The following CSGALNACT1 variants were observed in gnomAD, a reference collection of about 807,000 sequenced individuals.
CSGALNACT1 encodes the protein chondroitin sulfate N-acetylgalactosaminyltransferase 1.
A neutral mutation model predicts 51.0 loss-of-function variants in CSGALNACT1; 52 were observed. The observed-to-expected ratio is 1.02, with a 90% CI of 0.82 to 1.29. The LOEUF is 1.29. Among genes scored for constraint, CSGALNACT1 ranks in the 50% most tolerant of loss-of-function variants. CSGALNACT1 has a pLI of 0.00. For missense variants in CSGALNACT1, 935 were observed against 679.2 expected (o/e 1.38, Z -4.19); for synonymous variants, 341 against 254.4 (o/e 1.34, Z -3.24).
At chr8:19,716,524 T>C (rs2062815699) in intron 1 of CSGALNACT1, among the ~76,000 whole-genome samples, 1 of 139,738 alleles carries the variant, frequency 7.2e-6, no homozygotes, top group South Asian at 2.2e-4. Flanking sequence ...ATGCCTGTAA[T>C]CCCAGTACTT....
chr8:19,428,809 T>A (rs1172831862), intron 6 of CSGALNACT1, among the ~76,000 whole-genome samples: 1 of 149,680 alleles, frequency 6.7e-6, no homozygotes, highest in Non-Finnish European at 1.5e-5. Flanking sequence ...AACACCCTTC[T>A]CACATAAGAC....
At chr8:19,488,436 T>C (rs2073601278) in intron 4 of CSGALNACT1, among the ~76,000 whole-genome samples, 1 of 142,330 alleles carries the variant, frequency 7.0e-6, no homozygotes, top group Non-Finnish European at 1.5e-5. Context: ...AATTCTAACT[T>C]TGTAAAGAGC....
At chr8:19,494,421 C>T (rs111490585) in intron 4 of CSGALNACT1, among the ~76,000 whole-genome samples, 1 of 152,214 alleles carries the variant, frequency 6.6e-6, no homozygotes, top group African/African-American at 2.4e-5. Flanking sequence ...CCAATTCTCT[C>T]TGTTCTGTAC....
chr8:19,727,652 G>T (rs917446848), intron 1 of CSGALNACT1, among the ~76,000 whole-genome samples: 7 of 152,304 alleles, frequency 4.6e-5, no homozygotes, highest in Middle Eastern at 3.4e-3. Context: ...GCCACAAATT[G>T]TTTCTATCAA....
intron 1 of CSGALNACT1, chr8:19,732,432 C>G: frequency 6.6e-6 from 1 of 152,298 alleles, no homozygotes; most frequent in South Asian, 2.1e-4. Flanking sequence ...CTCTTGAAAA[C>G]AAGAACATGA....
At chr8:19,756,688 C>T (rs533636589) in intron 1 of CSGALNACT1, among the ~76,000 whole-genome samples, 1 of 152,270 alleles carries the variant, frequency 6.6e-6, no homozygotes, top group East Asian at 1.9e-4. Context: ...CTAGCCCGGT[C>T]CCGGGCAGGC....
At chr8:19,614,282 T>C (rs1006654863) in intron 1 of CSGALNACT1, among the ~76,000 whole-genome samples, 1 of 152,236 alleles carries the variant, frequency 6.6e-6, no homozygotes, top group African/African-American at 2.4e-5. Context: ...CTCGAAAGGC[T>C]AAATAATGTA....
At position 19,482,223 on chromosome 8, in the gene CSGALNACT1, C is replaced by T. The variant is rs139088801; in HGVS notation, c.634+22978G>A. On this transcript the variant is annotated intron_variant, in intron 4 of 9. Transcript: ENST00000454498. ...CATGTTCTTAATCCATTTTGTCAAACGGCTACTGTACACTTGAAATGTGGC... is the reference window on the plus strand; with the variant it reads ...CATGTTCTTAATCCATTTTGTCAAATGGCTACTGTACACTTGAAATGTGGC... 2.5e-3 allele frequency among the ~76,000 whole-genome samples: 382 copies of T among 152,316 alleles called. 8 individuals carry two copies. The highest frequency in any genetic ancestry group is 0.02 in the East Asian group (102 of 5,184).
rs192797871 is a variant in CSGALNACT1, at chr8:19,641,088, G to T, written c.-543-39223C>A. Among the ~76,000 whole-genome samples, 129 of 150,380 alleles carry T rather than the reference G, an allele frequency of 8.6e-4. 5 individuals are homozygous for T. The East Asian group carries it at 0.024, about 28-fold the overall frequency. On this transcript the variant is annotated intron_variant, in intron 1 of 9. Coordinates refer to the CSGALNACT1 transcript ENST00000332246. ...CCATGGAGTTCTCAAGTCTCCCAGG[G>T]ATGCGGAATCTACCTGTATTACCAA...
In CSGALNACT1 at chr8:19,639,926, G is replaced by A. The variant is rs185028677; in HGVS notation, c.-543-38061C>T. ...TGAGACAGTTTCATTCCGTCTCTCA[G>A]GCTGGAATGCAGTGGTACAATCACT... On this transcript the variant is annotated intron_variant, in intron 1 of 9. Transcript: ENST00000332246. Among the ~76,000 whole-genome samples the A allele has an allele frequency of 4.7e-5, 7 of 150,422 alleles. No homozygotes were observed. In the East Asian group the frequency reaches 1.4e-3, roughly 29 times the overall value.
chr8:19,438,477 G>T (rs902286710), intron 6 of CSGALNACT1, among the ~76,000 whole-genome samples: 3 of 152,100 alleles, frequency 2.0e-5, no homozygotes, highest in Non-Finnish European at 4.4e-5. Flanking sequence ...TAGGATATTC[G>T]ATTATTTTAT....
At chr8:19,552,955 T>C (rs1283372757) in intron 3 of CSGALNACT1, among the ~76,000 whole-genome samples, 2 of 152,140 alleles carry the variant, frequency 1.3e-5, no homozygotes, top group African/African-American at 4.8e-5. Flanking sequence ...GTGCTCAGGA[T>C]ACATGGAAGA....
At chr8:19,445,474 G>A (rs1002512263) in intron 5 of CSGALNACT1, among the ~76,000 whole-genome samples, 2 of 152,168 alleles carry the variant, frequency 1.3e-5, no homozygotes, top group African/African-American at 2.4e-5. Context: ...CTGTGACTAG[G>A]TGAGGCGTCT....
chr8:19,543,969 G>C (rs1279849695), intron 3 of CSGALNACT1, among the ~76,000 whole-genome samples: 3 of 152,130 alleles, frequency 2.0e-5, no homozygotes, highest in Non-Finnish European at 4.4e-5. Flanking sequence ...TTCCTGATCA[G>C]CTTAGAGTTT....
intron 1 of CSGALNACT1, among the ~76,000 whole-genome samples, chr8:19,667,371 G>A (rs963493968): frequency 1.3e-5 from 2 of 152,150 alleles, no homozygotes; most frequent in Non-Finnish European, 2.9e-5. Context: ...AGGAGGTTGA[G>A]GCTGAAGTGA....
At chr8:19,430,159 G>A (rs75507034) in intron 6 of CSGALNACT1, among the ~76,000 whole-genome samples, 13,770 of 152,218 alleles carry the variant, frequency 0.09, 835 homozygotes, top group Middle Eastern at 0.16. Flanking sequence ...TATATAAGCT[G>A]TCTTTTCACT....
upstream of CSGALNACT1, among the ~76,000 whole-genome samples, chr8:19,687,357 T>A (rs960264467): frequency 6.6e-6 from 1 of 152,178 alleles, no homozygotes; most frequent in Non-Finnish European, 1.5e-5. Context: ...CTCTGACCCA[T>A]CAGAAGTTTT....
intron 1 of CSGALNACT1, among the ~76,000 whole-genome samples, chr8:19,673,290 C>T (rs532559092): frequency 6.6e-6 from 1 of 152,344 alleles, no homozygotes; most frequent in South Asian, 2.1e-4. Flanking sequence ...AGCTTCACAA[C>T]TAACCTGGCT....
intron 1 of CSGALNACT1, among the ~76,000 whole-genome samples, chr8:19,665,461 A>G (rs965072061): frequency 6.6e-6 from 1 of 152,204 alleles, no homozygotes; most frequent in African/African-American, 2.4e-5. Flanking sequence ...AGTAAGAGGC[A>G]ACTGCCTCAA....
Sources: allele counts gnomAD v4.1 joint callset (sites outside exome capture counted in the v4.1 genomes callset), GRCh38; gene constraint gnomAD v4.1.1; transcripts MANE v1.5; gene names NCBI Gene and HGNC (gene_info 2026-07-23, HGNC 2026-07-21).